The following ANO1 variants were observed in gnomAD, a reference collection of about 807,000 sequenced individuals.
The protein encoded by ANO1 is anoctamin-1.
ANO1 carries 59 observed loss-of-function variants against 124.0 expected under a neutral mutation model. That is an observed-to-expected ratio of 0.48 (90% CI 0.39 to 0.59). ANO1 has a LOEUF of 0.59. Among genes scored for constraint, ANO1 ranks in the 20% least tolerant of loss-of-function variants. The probability of loss-of-function intolerance (pLI) is 0.00; values close to 1 mark genes in which losing one functional copy is unlikely to be tolerated. For missense variants in ANO1, 1,059 were observed against 1,328.0 expected (o/e 0.80, Z 3.15); for synonymous variants, 529 against 532.0 (o/e 0.99, Z 0.08).
chr11:70,005,112 C>CAAAAAAA (rs3078420), intron 1 of ANO1, among the ~76,000 whole-genome samples: 1 of 134,992 alleles, frequency 7.4e-6, no homozygotes, highest in Non-Finnish European at 1.6e-5. Context: ...GATTCCAACT[C>CAAAAAAA]AAAAAAAAAA....
At chr11:70,100,211 C>T (rs376309190) in intron 2 of ANO1, among the ~76,000 whole-genome samples, 22 of 152,312 alleles carry the variant, frequency 1.4e-4, no homozygotes, top group Admixed American at 2.6e-4. Flanking sequence ...CCTGCAGGAC[C>T]GCAACCTGCA....
intron 1 of ANO1, among the ~76,000 whole-genome samples, chr11:70,009,076 C>G (rs782597563): frequency 1.2e-4 from 18 of 152,346 alleles, no homozygotes; most frequent in Middle Eastern, 3.4e-3. Context: ...ACAGACATTT[C>G]CCGCATTCCT....
chr11:70,116,409 C>G (rs747581961), intron 7 of ANO1, 49 bp from the exon 8 acceptor site: 3 of 1,555,628 alleles, frequency 1.9e-6, no homozygotes, highest in Non-Finnish European at 2.6e-6. Context: ...TGAGCGCCTC[C>G]AAAGCTCCAT....
At chr11:70,159,452 T>C (rs2047957257) in intron 16 of ANO1, among the ~76,000 whole-genome samples, 1 of 152,226 alleles carries the variant, frequency 6.6e-6, no homozygotes, top group Non-Finnish European at 1.5e-5. Flanking sequence ...TAGCCGGCTC[T>C]TTTCCCAGCC....
At chr11:70,029,727 A>C (rs1555003612) in intron 1 of ANO1, among the ~76,000 whole-genome samples, 1 of 152,222 alleles carries the variant, frequency 6.6e-6, no homozygotes, top group African/African-American at 2.4e-5. Context: ...GGAGGTGAGA[A>C]GTCTGGAATG....
At chr11:70,040,957 C>T (rs1182613688) in intron 1 of ANO1, among the ~76,000 whole-genome samples, 3 of 152,168 alleles carry the variant, frequency 2.0e-5, no homozygotes, top group Non-Finnish European at 4.4e-5. Context: ...CATCATAGCT[C>T]GAGGGCCCTG....
chr11:70,033,664 G>A (rs925619208), intron 1 of ANO1, among the ~76,000 whole-genome samples: 2 of 152,084 alleles, frequency 1.3e-5, no homozygotes, highest in Admixed American at 6.5e-5. Context: ...GGGGATGCCT[G>A]CCTTCAAGGA....
At chr11:70,102,945 C>T (rs2045335119) in intron 2 of ANO1, 121 bp from the exon 3 acceptor site, 4 of 667,282 alleles carry the variant, frequency 6.0e-6, no homozygotes, top group Admixed American at 3.1e-5. Context: ...AATGAGGCCG[C>T]GGTAAAAGCA....
chr11:70,029,653 G>T (rs7947135), intron 1 of ANO1, among the ~76,000 whole-genome samples: 1 of 152,172 alleles, frequency 6.6e-6, no homozygotes, highest in African/African-American at 2.4e-5. Flanking sequence ...TTCCTGCAAC[G>T]ACTGTAACAA....
At chr11:70,015,044 C>G (rs187453313) in intron 1 of ANO1, 1 of 151,956 alleles carries the variant, frequency 6.6e-6, no homozygotes, top group Admixed American at 6.6e-5. Flanking sequence ...GGGATGGAGA[C>G]ACGTGGACCA....
chr11:69,975,407 C>T, the ANO1 span, among the ~76,000 whole-genome samples: 100 of 152,328 alleles, frequency 6.6e-4, no homozygotes, highest in Middle Eastern at 6.8e-3. Context: ...TGCCCGTGGA[C>T]CCACTAACAG....
At chr11:70,075,835 A>T (rs1431349507), upstream of ANO1, among the ~76,000 whole-genome samples, 3 of 152,220 alleles carry the variant, frequency 2.0e-5, no homozygotes, top group African/African-American at 7.2e-5. Flanking sequence ...AGAGAAGAGA[A>T]CCATCTATGG....
At chr11:70,184,011 T>C (rs998459411) in intron 24 of ANO1, among the ~76,000 whole-genome samples, 4 of 152,128 alleles carry the variant, frequency 2.6e-5, no homozygotes, top group Admixed American at 2.0e-4. Flanking sequence ...GCACCAGGGA[T>C]GTGGGTCCAG....
intron 1 of ANO1, among the ~76,000 whole-genome samples, chr11:70,070,269 G>T (rs1857838487): frequency 6.6e-6 from 1 of 152,198 alleles, no homozygotes; most frequent in South Asian, 2.1e-4. Flanking sequence ...TAGCCAAGGA[G>T]GGTGAGGGGA....
intron 1 of ANO1, among the ~76,000 whole-genome samples, chr11:70,048,589 C>A (rs1309076010): frequency 6.6e-6 from 1 of 151,680 alleles, no homozygotes; most frequent in African/African-American, 2.4e-5. Context: ...TCTCCCCCAC[C>A]TCCCTCTCTC....
chr11:70,089,912 G>A (rs10751096), intron 2 of ANO1, among the ~76,000 whole-genome samples: 95,867 of 152,112 alleles, frequency 0.63, 30,376 homozygotes, highest in East Asian at 0.73. Context: ...CTTGGCGGCC[G>A]AGGCCACTCT....
At chr11:70,084,703 C>T (rs2044307429) in intron 1 of ANO1, among the ~76,000 whole-genome samples, 2 of 152,198 alleles carry the variant, frequency 1.3e-5, no homozygotes. Context: ...TACCTGTGGC[C>T]TGGTGTTGCC....
At chr11:69,989,839 G>T (rs559676304) in intron 1 of ANO1, among the ~76,000 whole-genome samples, 3 of 152,280 alleles carry the variant, frequency 2.0e-5, no homozygotes, top group South Asian at 4.1e-4. Context: ...GAATGTAGGG[G>T]CTGAGAGCAG....
rs552816018 is a variant in ANO1, at chr11:70,151,041, G to A, written c.1341+1249G>A. Among the ~76,000 whole-genome samples, 7 of 152,276 alleles carry A rather than the reference G, an allele frequency of 4.6e-5. No individual in the cohort carries two copies. The South Asian group carries it at 1.5e-3, about 32-fold the overall frequency. ...TCACAGGGTATAAGACGGGCCTCTG[G>A]GGCCAGGCTGCCAGAGTTCCATCCA... On this transcript the variant is annotated intron_variant, in intron 12 of 25. Coordinates refer to ENST00000355303, the MANE Select transcript of ANO1 (RefSeq NM_018043.7).
Sources: allele counts gnomAD v4.1 joint callset (sites outside exome capture counted in the v4.1 genomes callset), GRCh38; gene constraint gnomAD v4.1.1; transcripts MANE v1.5; gene names NCBI Gene and HGNC (gene_info 2026-07-23, HGNC 2026-07-21).